FMN1: variants seen among roughly 807,000 people sequenced by gnomAD.
The protein encoded by FMN1 is formin-1.
Under a neutral mutation model 132.4 loss-of-function variants are expected in FMN1, and 110 were observed. That is an observed-to-expected ratio of 0.83 (90% CI 0.71 to 0.97). FMN1 has a LOEUF of 0.97. Among genes scored for constraint, FMN1 ranks in the 50% least tolerant of loss-of-function variants. The pLI, the probability that FMN1 is intolerant of heterozygous loss-of-function variation, is 0.00. For synonymous variants in FMN1, 722 were observed against 651.7 expected, an observed-to-expected ratio of 1.11 and a Z score of -1.64; for missense variants, 1,792 against 1,705.3, an observed-to-expected ratio of 1.05 and a Z score of -0.90.
At chr15:32,852,992 G>A (rs2059043900) in intron 17 of FMN1, among the ~76,000 whole-genome samples, 1 of 152,116 alleles carries the variant, frequency 6.6e-6, no homozygotes. Context: ...GAGACTTGCA[G>A]TGTTTTCCTC....
chr15:32,873,060 C>A (rs928190762), intron 16 of FMN1, among the ~76,000 whole-genome samples: 1 of 152,326 alleles, frequency 6.6e-6, no homozygotes, highest in Admixed American at 6.5e-5. Context: ...CACTGCTAAT[C>A]AGTTTGCCAC....
chr15:32,798,965 A>AG lies in FMN1; in HGVS notation c.3981-13dup, dbSNP rs765217848. 26 of 1,612,070 alleles carry AG rather than the reference A, an allele frequency of 1.6e-5. No homozygotes were observed. In the Middle Eastern group the frequency reaches 4.9e-4, roughly 31 times the overall value. ...CTGTTGTTTCAAAACTGCAACAGGT[A>AG]GGGGGGAAAATGGAATGAGGTAGAG... On this transcript the variant is annotated splice_polypyrimidine_tract_variant and intron_variant, in intron 18 of 20. Transcript: ENST00000616417.
At chr15:33,186,471 A>G (rs7165795) in intron 2 of FMN1, among the ~76,000 whole-genome samples, 11,869 of 150,468 alleles carry the variant, frequency 0.079, 614 homozygotes, top group African/African-American at 0.13. Context: ...AACAGTGCTG[A>G]CAGTTTTAAA....
At chr15:33,141,214 G>T (rs1483184493) in intron 4 of FMN1, among the ~76,000 whole-genome samples, 1 of 151,726 alleles carries the variant, frequency 6.6e-6, no homozygotes, top group Non-Finnish European at 1.5e-5. Context: ...ATTATGTTTT[G>T]TGCCTTTAAG....
At chr15:33,009,294 CT>C (rs2034581116) in intron 6 of FMN1, among the ~76,000 whole-genome samples, 1 of 152,206 alleles carries the variant, frequency 6.6e-6, no homozygotes. Flanking sequence ...CCTGCTTCTA[CT>C]TTTAGCACCA....
intron 16 of FMN1, among the ~76,000 whole-genome samples, chr15:32,884,788 G>A (rs936430765): frequency 2.0e-5 from 3 of 152,190 alleles, no homozygotes; most frequent in Non-Finnish European, 4.4e-5. Context: ...AACAAAATAT[G>A]GAACATGTTC....
intron 16 of FMN1, among the ~76,000 whole-genome samples, chr15:32,861,108 T>G (rs1034008581): frequency 1.3e-5 from 2 of 152,200 alleles, no homozygotes; most frequent in Non-Finnish European, 2.9e-5. Context: ...ATTATTTAAT[T>G]AACCCTCTAC....
At chr15:33,021,351 T>G (rs1422472379) in intron 6 of FMN1, among the ~76,000 whole-genome samples, 3 of 140,390 alleles carry the variant, frequency 2.1e-5, no homozygotes, top group African/African-American at 7.5e-5. Flanking sequence ...ACTTGGTAAG[T>G]TTTCAGTCAA....
At chr15:32,982,365 ATAAAGT>A (rs1266993830) in intron 7 of FMN1, among the ~76,000 whole-genome samples, 7 of 152,214 alleles carry the variant, frequency 4.6e-5, no homozygotes, top group South Asian at 2.1e-4. Flanking sequence ...GCCATTTCTT[ATAAAGT>A]TAAACACACA....
intron 9 of FMN1, among the ~76,000 whole-genome samples, chr15:32,943,569 T>TAA (rs1248143892): frequency 6.6e-6 from 1 of 152,208 alleles, no homozygotes; most frequent in African/African-American, 2.4e-5. Context: ...TGTTTCTCTT[T>TAA]AAGACATTCT....
At chr15:33,107,181 G>T (rs1314081165) in intron 4 of FMN1, among the ~76,000 whole-genome samples, 1 of 151,828 alleles carries the variant, frequency 6.6e-6, no homozygotes, top group South Asian at 2.1e-4. Context: ...TTATAAGCAA[G>T]ACCTGTTTGC....
In FMN1 at chr15:33,154,956, T is replaced by C. The variant is rs1964613246; in HGVS notation, c.-42A>G. On this transcript the variant is annotated 5_prime_UTR_variant, in exon 4 of 21. Coordinates refer to ENST00000616417, the MANE Select transcript of FMN1 (RefSeq NM_001277313.2). ...TTCATGCCTTGGAGATGCCGGTTTG[T>C]GGTCAGGCTTCCCAGGCTCCAGTGG... 3 of 1,475,172 alleles carry C rather than the reference T, an allele frequency of 2.0e-6. No homozygotes were observed. Among genetic ancestry groups the C allele is most frequent in the African/African-American group, 1.4e-5 (1 of 71,472 alleles). The allele number at this position is 1,475,172 out of a possible 1,614,324, so 91.4% of individuals were successfully genotyped here.
intron 17 of FMN1, among the ~76,000 whole-genome samples, chr15:32,822,926 T>C (rs2058257448): frequency 6.6e-6 from 1 of 152,118 alleles, no homozygotes; most frequent in Non-Finnish European, 1.5e-5. Flanking sequence ...TCCTCTGTTG[T>C]TGATTCTGGA....
intron 6 of FMN1, among the ~76,000 whole-genome samples, chr15:33,039,071 G>A (rs2036309882): frequency 1.3e-5 from 2 of 152,116 alleles, no homozygotes; most frequent in South Asian, 4.1e-4. Context: ...TGAATTGGGG[G>A]ATAAAACAAA....
intron 4 of FMN1, among the ~76,000 whole-genome samples, chr15:33,126,776 A>G (rs1052300614): frequency 6.6e-6 from 1 of 151,976 alleles, no homozygotes; most frequent in East Asian, 1.9e-4. Flanking sequence ...TTACTGGAAC[A>G]GCCAGTTTGC....
intron 17 of FMN1, among the ~76,000 whole-genome samples, chr15:32,825,612 T>C (rs1347637293): frequency 6.6e-6 from 1 of 152,266 alleles, no homozygotes; most frequent in Non-Finnish European, 1.5e-5. Context: ...TTATTTGCTC[T>C]TTTGTCTCTT....
intron 4 of FMN1, among the ~76,000 whole-genome samples, chr15:33,123,042 AATAG>A (rs1401754238): frequency 6.6e-6 from 1 of 151,528 alleles, no homozygotes; most frequent in African/African-American, 2.4e-5. Flanking sequence ...CACACAACTA[AATAG>A]GTTTACAGCA....
chr15:33,020,874 C>T (rs2035382715), intron 6 of FMN1, among the ~76,000 whole-genome samples: 1 of 152,128 alleles, frequency 6.6e-6, no homozygotes, highest in Non-Finnish European at 1.5e-5. Context: ...TATTGTATTT[C>T]ATTTGATCAT....
In FMN1 at chr15:33,054,036, T is replaced by TA. The variant is rs528518319; in HGVS notation, c.2161+10920dup. 1.2e-3 allele frequency among the ~76,000 whole-genome samples: 190 copies of TA among 152,250 alleles called. 1 individual carries two copies. The highest frequency in any genetic ancestry group is 4.4e-3 in the African/African-American group (184 of 41,548). ...CTCTCCCTGAGAGTTGAGGAGGTGC[T>TA]AAAAAATCCAACCCTCTAACGAAGA... On this transcript the variant is annotated intron_variant, in intron 6 of 20. Transcript: ENST00000616417.
Sources: allele counts gnomAD v4.1 joint callset (sites outside exome capture counted in the v4.1 genomes callset), GRCh38; gene constraint gnomAD v4.1.1; transcripts MANE v1.5; gene names NCBI Gene and HGNC (gene_info 2026-07-23, HGNC 2026-07-21).